The following UBE2E3 variants were observed in gnomAD, a reference collection of about 807,000 sequenced individuals.
UBE2E3 encodes ubiquitin conjugating enzyme E2 E3, also known as ubiquitin-conjugating enzyme E2 E3.
Under a neutral mutation model 23.6 loss-of-function variants are expected in UBE2E3, and 5 were observed. The observed-to-expected ratio is 0.21, with a 90% CI of 0.11 to 0.44. The LOEUF is 0.44. UBE2E3 is among the 20% of genes least tolerant of loss of function. The pLI is 0.99. For missense variants in UBE2E3, 81 were observed against 249.8 expected (o/e 0.32, Z 4.55); for synonymous variants, 78 against 87.5 (o/e 0.89, Z 0.60).
chr2:181,004,399 C>T (rs1685077927), intron 3 of UBE2E3, among the ~76,000 whole-genome samples: 1 of 152,110 alleles, frequency 6.6e-6, no homozygotes, highest in Non-Finnish European at 1.5e-5. Context: ...CTTTGGGAGG[C>T]TGAGGAGGGC....
At chr2:181,062,752 A>G (rs1687196846) in intron 5 of UBE2E3, 39 bp from the exon 6 acceptor site, 3 of 1,273,354 alleles carry the variant, frequency 2.4e-6, no homozygotes, top group Non-Finnish European at 3.4e-6. Flanking sequence ...TGAAGAAGAT[A>G]CCACAAAATA....
At chr2:181,039,157 G>A (rs1403048223) in intron 3 of UBE2E3, among the ~76,000 whole-genome samples, 1 of 142,334 alleles carries the variant, frequency 7.0e-6, no homozygotes, top group Admixed American at 7.0e-5. Flanking sequence ...TTGGAAATAG[G>A]GTCATTGCAG....
intron 3 of UBE2E3, among the ~76,000 whole-genome samples, chr2:181,039,930 G>T (rs1040931710): frequency 1.3e-5 from 2 of 152,090 alleles, no homozygotes; most frequent in African/African-American, 4.8e-5. Flanking sequence ...TTGTTAAACT[G>T]TATTGGCTTT....
At chr2:180,985,418 C>T (rs901024065) in intron 3 of UBE2E3, among the ~76,000 whole-genome samples, 2 of 151,978 alleles carry the variant, frequency 1.3e-5, no homozygotes, top group Non-Finnish European at 2.9e-5. Context: ...TATAATACTG[C>T]ATTGACTTAA....
At chr2:181,060,563 A>G in intron 4 of UBE2E3, 102 bp from the exon 5 acceptor site, 1 of 1,111,956 alleles carries the variant, frequency 9.0e-7, no homozygotes, top group Non-Finnish European at 1.2e-6. Context: ...CAGTCAAATA[A>G]TTTAGTATCA....
intron 3 of UBE2E3, among the ~76,000 whole-genome samples, chr2:181,041,916 C>T (rs1686517754): frequency 6.6e-6 from 1 of 152,158 alleles, no homozygotes; most frequent in Non-Finnish European, 1.5e-5. Flanking sequence ...GTCATCTCAG[C>T]AGACCTTAGT....
intron 4 of UBE2E3, among the ~76,000 whole-genome samples, chr2:181,060,379 T>G (rs904724144): frequency 6.6e-6 from 1 of 151,770 alleles, no homozygotes; most frequent in South Asian, 2.1e-4. Context: ...GCTGTGGATG[T>G]GTATGCAAAC....
intron 3 of UBE2E3, among the ~76,000 whole-genome samples, chr2:181,022,489 T>G (rs903344872): frequency 6.6e-6 from 1 of 152,060 alleles, no homozygotes; most frequent in African/African-American, 2.4e-5. Context: ...TTGAAAAACA[T>G]CTTCTCAGTG....
At chr2:181,017,245 A>T (rs371358319) in intron 3 of UBE2E3, among the ~76,000 whole-genome samples, 6 of 152,262 alleles carry the variant, frequency 3.9e-5, no homozygotes, top group Non-Finnish European at 5.9e-5. Context: ...TTAAAGTGGG[A>T]TACAGTGGTC....
chr2:180,995,384 A>G (rs145830543), intron 3 of UBE2E3, among the ~76,000 whole-genome samples: 42 of 152,262 alleles, frequency 2.8e-4, no homozygotes, highest in African/African-American at 9.4e-4. Context: ...CTGTAAATGT[A>G]TTTTATCTCC....
chr2:181,033,931 C>T (rs1686175716), intron 3 of UBE2E3, among the ~76,000 whole-genome samples: 1 of 152,168 alleles, frequency 6.6e-6, no homozygotes, highest in Admixed American at 6.5e-5. Context: ...AAAAAATGCT[C>T]ATCATCACTG....
chr2:181,044,467 A>C (rs1418843702), intron 3 of UBE2E3, among the ~76,000 whole-genome samples: 1 of 152,170 alleles, frequency 6.6e-6, no homozygotes, highest in Non-Finnish European at 1.5e-5. Flanking sequence ...GGAAAAAAAG[A>C]ATCTTTAGTG....
chr2:181,025,521 G>A (rs1471273616), intron 3 of UBE2E3, among the ~76,000 whole-genome samples: 1 of 151,596 alleles, frequency 6.6e-6, no homozygotes, highest in Non-Finnish European at 1.5e-5. Context: ...TGGCATTTAA[G>A]GGTATTCTTT....
intron 3 of UBE2E3, among the ~76,000 whole-genome samples, chr2:181,005,447 G>C (rs938401525): frequency 3.3e-5 from 5 of 152,342 alleles, no homozygotes; most frequent in South Asian, 2.1e-4. Context: ...TCCATTGGAA[G>C]CATGTAGACT....
intron 3 of UBE2E3, among the ~76,000 whole-genome samples, chr2:181,024,776 A>T (rs544966195): frequency 6.6e-6 from 1 of 152,194 alleles, no homozygotes; most frequent in East Asian, 1.9e-4. Flanking sequence ...TAAATGAAAA[A>T]CTACACACTA....
At chr2:181,018,143 C>G (rs1685553741) in intron 3 of UBE2E3, among the ~76,000 whole-genome samples, 1 of 151,896 alleles carries the variant, frequency 6.6e-6, no homozygotes. Context: ...CTTCTTGGTA[C>G]TGCTGGCTGT....
chr2:180,987,365 C>T (rs1368520810), intron 3 of UBE2E3: 7 of 1,550,006 alleles, frequency 4.5e-6, no homozygotes, highest in South Asian at 1.2e-5. Context: ...TCCTAGTCAC[C>T]ACTTGTGCAA....
At chr2:181,039,875 G>C (rs998364283) in intron 3 of UBE2E3, among the ~76,000 whole-genome samples, 4 of 152,024 alleles carry the variant, frequency 2.6e-5, no homozygotes, top group African/African-American at 9.7e-5. Context: ...ATATCTTCTG[G>C]TATACTTTGA....
At chr2:181,017,088 G>A (rs1208797470) in intron 3 of UBE2E3, among the ~76,000 whole-genome samples, 1 of 152,254 alleles carries the variant, frequency 6.6e-6, no homozygotes, top group South Asian at 2.1e-4. Flanking sequence ...TGGAGGTGGA[G>A]ACAGAATTGG....
Sources: allele counts gnomAD v4.1 joint callset (sites outside exome capture counted in the v4.1 genomes callset), GRCh38; gene constraint gnomAD v4.1.1; transcripts MANE v1.5; gene names NCBI Gene and HGNC (gene_info 2026-07-23, HGNC 2026-07-21).